The following PRKCQ variants were observed in gnomAD, a reference collection of about 807,000 sequenced individuals.
The protein encoded by PRKCQ is protein kinase C theta, also known as protein kinase C theta type.
PRKCQ carries 41 observed loss-of-function variants against 91.2 expected under a neutral mutation model. The ratio of observed to expected loss-of-function variants is 0.45; its 90% CI spans 0.35 to 0.58. PRKCQ has a LOEUF of 0.58. Among genes scored for constraint, PRKCQ ranks in the 20% least tolerant of loss-of-function variants. PRKCQ has a pLI of 0.00. For missense variants in PRKCQ, 673 were observed against 896.5 expected (o/e 0.75, Z 3.18); for synonymous variants, 307 against 316.9 (o/e 0.97, Z 0.33).
intron 16 of PRKCQ, among the ~76,000 whole-genome samples, chr10:6,441,178 T>TA (rs1833951435): frequency 6.6e-6 from 1 of 151,870 alleles, no homozygotes; most frequent in African/African-American, 2.4e-5. Context: ...ATATTTCTAA[T>TA]AAAAAACTAT....
chr10:6,481,801 C>T (rs1836611173), intron 11 of PRKCQ, among the ~76,000 whole-genome samples: 1 of 152,166 alleles, frequency 6.6e-6, no homozygotes, highest in South Asian at 2.1e-4. Flanking sequence ...TAAAATTTTC[C>T]TGGGAGTCCC....
At chr10:6,444,474 T>G (rs759707630) in intron 15 of PRKCQ, among the ~76,000 whole-genome samples, 1 of 152,124 alleles carries the variant, frequency 6.6e-6, no homozygotes, top group Admixed American at 6.6e-5. Flanking sequence ...CACATAAAAT[T>G]TTTTTTAATG....
rs7893892 is a variant in PRKCQ, at chr10:6,573,064, C to T, written c.-10+7147G>A. On this transcript the variant is annotated intron_variant, in intron 1 of 17. Transcript: ENST00000263125. Reference sequence around the variant, plus strand: ...TAGGTACGAACAGATTTAATGTGTCCCAAACCAAATGATACAGTTTCATGA... The same window carrying T: ...TAGGTACGAACAGATTTAATGTGTCTCAAACCAAATGATACAGTTTCATGA... Among the ~76,000 whole-genome samples the T allele has an allele frequency of 2.8e-3, 424 of 152,110 alleles. 1 individual carries two copies. The highest frequency in any genetic ancestry group is 4.4e-3 in the Non-Finnish European group (298 of 67,992).
chr10:6,459,771 C>G (rs905516581), intron 14 of PRKCQ, among the ~76,000 whole-genome samples: 23 of 152,202 alleles, frequency 1.5e-4, no homozygotes, highest in Admixed American at 2.6e-4. Flanking sequence ...AAATCGAGGG[C>G]TTGGTGGGGG....
chr10:6,428,293 C>T lies in PRKCQ; in HGVS notation c.2035G>A (p.Asp679Asn), dbSNP rs143285381. 1.4e-4 allele frequency: 220 copies of T among 1,614,138 alleles called. No individual in the cohort carries two copies. The Admixed American group carries it at 1.6e-3, about 12-fold the overall frequency. The change falls in exon 18 of 18, where the codon GAC becomes AAC. Residue 679 changes from aspartate (D) to asparagine (N), a missense_variant. By Grantham distance (23) the Asp-to-Asn change is conservative (BLOSUM62 1). Coordinates refer to ENST00000263125, the MANE Select transcript of PRKCQ (RefSeq NM_006257.5). ...TCCATGCTGTTGATCAGTGCTCTGT[C>T]GGCAAATGACAGCCGGGGCTTCTCG... ...LNEKPRLSFA[D>N]RALINSMDQN...
rs1835647279 is a variant in PRKCQ at position 6,466,236 on chromosome 10, T to A, written c.1354-1832A>T. On this transcript the variant is annotated intron_variant, in intron 12 of 17. Transcript: ENST00000263125. ...CAGAATTTAACACTGTCAATTTAGATGTGGAGAAAGTGGTGGGAGGGGACT... is the reference window on the plus strand; with the variant it reads ...CAGAATTTAACACTGTCAATTTAGAAGTGGAGAAAGTGGTGGGAGGGGACT... Among the ~76,000 whole-genome samples the A allele has an allele frequency of 4.6e-5, 7 of 152,230 alleles. No individual in the cohort carries two copies. In the South Asian group the frequency reaches 1.4e-3, roughly 32 times the overall value.
At chr10:6,486,503 G>A (rs1358756840) in intron 8 of PRKCQ, among the ~76,000 whole-genome samples, 7 of 152,212 alleles carry the variant, frequency 4.6e-5, no homozygotes, top group African/African-American at 1.7e-4. Flanking sequence ...AACTTAATTT[G>A]CATGTAGTTA....
rs56306878 is a variant in PRKCQ at position 6,517,588 on chromosome 10, C to CTTTTT, written c.-9-2449_-9-2445dup. Among the ~76,000 whole-genome samples the CTTTTT allele has an allele frequency of 1.9e-3, 96 of 49,488 alleles. 6 individuals are homozygous for CTTTTT. The highest frequency in any genetic ancestry group is 4.8e-3 in the African/African-American group (61 of 12,672). 32.5% of individuals were successfully genotyped at this position (49,488 alleles called of 152,430 possible). ...AAAAAATGCATCTTTAAGATAGCATCTTTTTTTTTTTTTTTTTTTTTTTTT... is the reference window on the plus strand; with the variant it reads ...AAAAAATGCATCTTTAAGATAGCATCTTTTTTTTTTTTTTTTTTTTTTTTTTTTTT... On this transcript the variant is annotated intron_variant, in intron 1 of 17. Coordinates refer to ENST00000263125, the MANE Select transcript of PRKCQ (RefSeq NM_006257.5).
intron 1 of PRKCQ, among the ~76,000 whole-genome samples, chr10:6,554,292 C>A (rs1840324306): frequency 6.6e-6 from 1 of 152,134 alleles, no homozygotes; most frequent in South Asian, 2.1e-4. Context: ...AGAGAGAGAA[C>A]TCTCCAGCAG....
chr10:6,399,201 A>G, the PRKCQ span, among the ~76,000 whole-genome samples: 3 of 152,230 alleles, frequency 2.0e-5, no homozygotes, highest in Admixed American at 1.3e-4. Flanking sequence ...TGTCCCCACA[A>G]GTAAATAATG....
chr10:6,523,792 C>T (rs534773085), intron 1 of PRKCQ, among the ~76,000 whole-genome samples: 1 of 152,348 alleles, frequency 6.6e-6, no homozygotes, highest in South Asian at 2.1e-4. Context: ...TACACTGTTA[C>T]TTAAGAAAGC....
At chr10:6,440,854 G>A (rs1261896144) in intron 16 of PRKCQ, among the ~76,000 whole-genome samples, 1 of 152,104 alleles carries the variant, frequency 6.6e-6, no homozygotes, top group East Asian at 1.9e-4. Context: ...GGTGAGTGTG[G>A]TCGTGCACCT....
chr10:6,553,479 G>T (rs1840268880), intron 1 of PRKCQ, among the ~76,000 whole-genome samples: 1 of 117,006 alleles, frequency 8.5e-6, no homozygotes, highest in African/African-American at 3.4e-5. Flanking sequence ...GACAGAGCAA[G>T]ACCCTGTCTC....
the PRKCQ span, among the ~76,000 whole-genome samples, chr10:6,402,718 T>C: frequency 1.2e-4 from 18 of 152,210 alleles, no homozygotes; most frequent in African/African-American, 4.1e-4. Context: ...GAGACCAGCC[T>C]GGCTAACATG....
intron 12 of PRKCQ, among the ~76,000 whole-genome samples, chr10:6,468,459 G>A (rs1471622807): frequency 6.6e-6 from 1 of 152,182 alleles, no homozygotes; most frequent in Non-Finnish European, 1.5e-5. Flanking sequence ...TAGGATGAAT[G>A]ACAGGTTTAT....
chr10:6,423,966 G>A (rs190586359), downstream of PRKCQ, among the ~76,000 whole-genome samples: 2 of 152,194 alleles, frequency 1.3e-5, no homozygotes, highest in East Asian at 1.9e-4. Context: ...ACAAATGCAC[G>A]TGATGGAGGA....
At chr10:6,525,656 C>A (rs1167712104) in intron 1 of PRKCQ, among the ~76,000 whole-genome samples, 2 of 152,146 alleles carry the variant, frequency 1.3e-5, no homozygotes, top group African/African-American at 4.8e-5. Flanking sequence ...ATAGTATATA[C>A]CTGGATGTCC....
At chr10:6,577,452 A>G (rs1465447923) in intron 1 of PRKCQ, among the ~76,000 whole-genome samples, 1 of 152,228 alleles carries the variant, frequency 6.6e-6, no homozygotes, top group East Asian at 1.9e-4. Flanking sequence ...TGAGCTGCTT[A>G]AAGTGTTAAA....
intron 1 of PRKCQ, among the ~76,000 whole-genome samples, chr10:6,535,040 G>C (rs1839529144): frequency 6.6e-6 from 1 of 152,090 alleles, no homozygotes; most frequent in Non-Finnish European, 1.5e-5. Flanking sequence ...CCATTATAAA[G>C]AAGGGAAAAA....
Sources: allele counts gnomAD v4.1 joint callset (sites outside exome capture counted in the v4.1 genomes callset), GRCh38; gene constraint gnomAD v4.1.1; transcripts MANE v1.5; gene names NCBI Gene and HGNC (gene_info 2026-07-23, HGNC 2026-07-21).